The following PDE4D variants were observed in gnomAD, a reference collection of about 807,000 sequenced individuals.
PDE4D encodes phosphodiesterase 4D, also known as 3',5'-cyclic-AMP phosphodiesterase 4D.
Under a neutral mutation model 87.4 loss-of-function variants are expected in PDE4D, and 24 were observed. The ratio of observed to expected loss-of-function variants is 0.27; its 90% confidence interval spans 0.20 to 0.39. The LOEUF (loss-of-function observed/expected upper bound fraction) is 0.39, where lower values mean the gene tolerates loss of function less well. PDE4D is among the 10% of genes least tolerant of loss of function. PDE4D has a pLI of 1.00. For synonymous variants in PDE4D, 384 were observed against 383.2 expected, an observed-to-expected ratio of 1.00 and a Z score of -0.02; for missense variants, 714 against 1,041.0, an observed-to-expected ratio of 0.69 and a Z score of 4.32.
chr5:60,398,464 T>A (rs1254728833), intron 1 of PDE4D, among the ~76,000 whole-genome samples: 1 of 152,190 alleles, frequency 6.6e-6, no homozygotes, highest in Non-Finnish European at 1.5e-5. Context: ...ACCATCAACA[T>A]CAGGAGTAGC....
chr5:59,481,530 C>A (rs956223248), intron 1 of PDE4D, among the ~76,000 whole-genome samples: 1 of 152,158 alleles, frequency 6.6e-6, no homozygotes, highest in Non-Finnish European at 1.5e-5. Flanking sequence ...GTGGAAATCT[C>A]CATAATTTCT....
intron 1 of PDE4D, among the ~76,000 whole-genome samples, chr5:59,760,513 T>C (rs188027115): frequency 3.9e-5 from 6 of 152,294 alleles, no homozygotes; most frequent in Admixed American, 2.0e-4. Flanking sequence ...ATTTCGCTTA[T>C]ATACACGCTG....
At chr5:59,348,449 C>T (rs1779960941) in intron 1 of PDE4D, among the ~76,000 whole-genome samples, 1 of 152,044 alleles carries the variant, frequency 6.6e-6, no homozygotes, top group African/African-American at 2.4e-5. Flanking sequence ...TTCCCCTCCC[C>T]CATAGAGAGC....
chr5:59,081,079 G>A (rs1038036911), intron 5 of PDE4D, among the ~76,000 whole-genome samples: 6 of 152,090 alleles, frequency 3.9e-5, no homozygotes, highest in African/African-American at 1.4e-4. Flanking sequence ...AAATGTATTT[G>A]ACCAGAACAA....
chr5:59,668,922 A>AAGAAGAAGAAGAAG (rs199660442), intron 1 of PDE4D, among the ~76,000 whole-genome samples: 23 of 56,906 alleles, frequency 4.0e-4, no homozygotes, highest in Admixed American at 8.7e-4. Context: ...GAAGAAGAAG[A>AAGAAGAAGAAGAAG]AAGAAAGAAA....
chr5:60,207,417 G>A (rs1742675676), intron 1 of PDE4D, among the ~76,000 whole-genome samples: 1 of 152,238 alleles, frequency 6.6e-6, no homozygotes. Flanking sequence ...CCTACTTTAA[G>A]ACGAATATTC....
chr5:59,269,184 G>A (rs530581081), intron 1 of PDE4D, among the ~76,000 whole-genome samples: 6 of 152,080 alleles, frequency 3.9e-5, no homozygotes, highest in African/African-American at 1.4e-4. Flanking sequence ...AAAAGAGGGT[G>A]GAGAACCCCA....
intron 1 of PDE4D, among the ~76,000 whole-genome samples, chr5:59,287,939 ACT>A (rs1474813451): frequency 1.3e-5 from 2 of 152,006 alleles, no homozygotes; most frequent in African/African-American, 2.4e-5. Context: ...GTGACCCAAA[ACT>A]CAGACCACAA....
chr5:59,316,123 C>T (rs1490106965), intron 1 of PDE4D, among the ~76,000 whole-genome samples: 1 of 152,112 alleles, frequency 6.6e-6, no homozygotes, highest in Non-Finnish European at 1.5e-5. Context: ...GACTCACCTC[C>T]CGTAACATTT....
At chr5:59,882,318 A>G (rs931443722) in intron 1 of PDE4D, among the ~76,000 whole-genome samples, 7 of 152,304 alleles carry the variant, frequency 4.6e-5, no homozygotes, top group South Asian at 4.2e-4. Context: ...ACTGGTCCTC[A>G]ATAAAACTGA....
chr5:59,834,450 G>A (rs1333788130), intron 1 of PDE4D, among the ~76,000 whole-genome samples: 1 of 152,006 alleles, frequency 6.6e-6, no homozygotes, highest in East Asian at 1.9e-4. Context: ...GATTTAAAAT[G>A]AGATAATTGT....
chr5:59,989,115 TACAC>T (rs70975356), intron 2 of PDE4D, among the ~76,000 whole-genome samples: 2,626 of 73,824 alleles, frequency 0.036, 41 homozygotes, highest in East Asian at 0.12. Flanking sequence ...TATATATATA[TACAC>T]ACACACACAT....
chr5:59,193,600 T>C, intron 2 of PDE4D, 64 bp from the exon 3 acceptor site: 2 of 1,591,128 alleles, frequency 1.3e-6, no homozygotes, highest in Middle Eastern at 3.3e-4. Flanking sequence ...TGTCGTTCAA[T>C]ATTAAACGGC....
At chr5:59,393,703 T>C (rs147991405) in intron 1 of PDE4D, among the ~76,000 whole-genome samples, 23 of 152,334 alleles carry the variant, frequency 1.5e-4, no homozygotes, top group African/African-American at 5.1e-4. Context: ...GATCTGCTGG[T>C]TTTTAGGACA....
chr5:59,810,653 A>G (rs1296712701), intron 1 of PDE4D, among the ~76,000 whole-genome samples: 1 of 152,140 alleles, frequency 6.6e-6, no homozygotes, highest in East Asian at 1.9e-4. Context: ...TTCCAGGTCC[A>G]CCAGCCTCAG....
chr5:60,201,140 G>A lies in PDE4D; in HGVS notation c.-89-15453C>T, dbSNP rs566103444. 3.7e-4 allele frequency among the ~76,000 whole-genome samples: 52 copies of A among 141,612 alleles called. 1 individual carries two copies. The South Asian group carries it at 6.5e-3, about 18-fold the overall frequency. The allele number at this position is 141,612 out of a possible 152,430, so 92.9% of individuals were successfully genotyped here. Reference sequence around the variant, plus strand: ...GAGAATCATAAATATTGAAAATGATGAGGCAAGTCTATCACTATAGGAAGA... The same window carrying A: ...GAGAATCATAAATATTGAAAATGATAAGGCAAGTCTATCACTATAGGAAGA... On this transcript the variant is annotated intron_variant, in intron 1 of 16. Coordinates refer to the PDE4D transcript ENST00000502484.
chr5:59,184,843 T>A (rs995881736), intron 4 of PDE4D, among the ~76,000 whole-genome samples: 4 of 152,164 alleles, frequency 2.6e-5, no homozygotes, highest in African/African-American at 9.7e-5. Flanking sequence ...GACTTTCAGC[T>A]GATCTTAAGG....
At chr5:59,626,340 A>C (rs77844232) in intron 1 of PDE4D, among the ~76,000 whole-genome samples, 3,848 of 152,322 alleles carry the variant, frequency 0.025, 165 homozygotes, top group African/African-American at 0.087. Context: ...TCAAAACATC[A>C]AGTTGTTCAC....
intron 1 of PDE4D, among the ~76,000 whole-genome samples, chr5:59,356,537 C>A (rs983762557): frequency 6.6e-6 from 1 of 152,130 alleles, no homozygotes; most frequent in East Asian, 1.9e-4. Context: ...CCATTTAACT[C>A]TCAGAATTAG....
Sources: allele counts gnomAD v4.1 joint callset (sites outside exome capture counted in the v4.1 genomes callset), GRCh38; gene constraint gnomAD v4.1.1; transcripts MANE v1.5; gene names NCBI Gene and HGNC (gene_info 2026-07-23, HGNC 2026-07-21).